RORA: variants seen among roughly 807,000 people sequenced by gnomAD.
RORA encodes RAR related orphan receptor A, also known as nuclear receptor ROR-alpha.
A neutral mutation model predicts 69.5 loss-of-function variants in RORA; 7 were observed. The observed-to-expected ratio is 0.10, with a 90% CI of 0.06 to 0.19. RORA has a LOEUF of 0.19. Among genes scored for constraint, RORA ranks in the 10% least tolerant of loss-of-function variants. RORA has a pLI of 1.00. For missense variants in RORA, 457 were observed against 663.0 expected (o/e 0.69, Z 3.41); for synonymous variants, 261 against 240.8 (o/e 1.08, Z -0.78).
chr15:60,764,072 C>T (rs964172079), intron 1 of RORA: 9 of 152,084 alleles, frequency 5.9e-5, no homozygotes, highest in African/African-American at 2.2e-4. Context: ...TTTGTTTTAA[C>T]ATTAATAAGG....
intron 2 of RORA, among the ~76,000 whole-genome samples, chr15:60,645,422 T>A (rs997447208): frequency 2.5e-5 from 2 of 81,374 alleles, no homozygotes; most frequent in Non-Finnish European, 3.3e-5. Context: ...ACAGATAAAT[T>A]TTTTTTTTTT....
intron 1 of RORA, among the ~76,000 whole-genome samples, chr15:60,752,792 G>C (rs184106292): frequency 6.6e-6 from 1 of 152,264 alleles, no homozygotes; most frequent in East Asian, 1.9e-4. Flanking sequence ...GGGGCCATTG[G>C]ATGAATCAGC....
chr15:60,777,927 G>A (rs2072196810), intron 1 of RORA, among the ~76,000 whole-genome samples: 1 of 152,200 alleles, frequency 6.6e-6, no homozygotes, highest in Non-Finnish European at 1.5e-5. Context: ...AGCACATCTG[G>A]AGGATCTCTT....
At chr15:60,709,625 T>C (rs2071115592) in intron 1 of RORA, among the ~76,000 whole-genome samples, 1 of 151,656 alleles carries the variant, frequency 6.6e-6, no homozygotes, top group African/African-American at 2.4e-5. Context: ...ATCTAGGTTG[T>C]GCGCTCGTCA....
At chr15:60,662,967 G>A (rs554403812) in intron 2 of RORA, among the ~76,000 whole-genome samples, 17 of 152,272 alleles carry the variant, frequency 1.1e-4, no homozygotes, top group African/African-American at 4.1e-4. Context: ...CTTGCCCAAG[G>A]TTATGCCCTT....
intron 1 of RORA, among the ~76,000 whole-genome samples, chr15:60,810,490 G>A (rs1191624723): frequency 6.6e-6 from 1 of 152,064 alleles, no homozygotes; most frequent in African/African-American, 2.4e-5. Flanking sequence ...AGAAACTTCA[G>A]TGTTGGGAAA....
chr15:61,072,570 C>A (rs370858952), intron 1 of RORA, among the ~76,000 whole-genome samples: 1 of 152,178 alleles, frequency 6.6e-6, no homozygotes, highest in East Asian at 1.9e-4. Context: ...ACAGCAACAA[C>A]AAAACTTTAA....
chr15:60,927,357 ATAC>A (rs1337981270), intron 1 of RORA, among the ~76,000 whole-genome samples: 1 of 152,246 alleles, frequency 6.6e-6, no homozygotes, highest in Non-Finnish European at 1.5e-5. Context: ...ACCCAGCCAT[ATAC>A]TTGGCAGTAA....
At chr15:60,557,834 T>G (rs1157310607) in intron 2 of RORA, among the ~76,000 whole-genome samples, 1 of 152,202 alleles carries the variant, frequency 6.6e-6, no homozygotes, top group Admixed American at 6.5e-5. Flanking sequence ...TCCAAATAAC[T>G]GGAGTGTTAT....
chr15:61,012,961 T>G (rs1375570704), intron 1 of RORA, among the ~76,000 whole-genome samples: 1 of 152,214 alleles, frequency 6.6e-6, no homozygotes, highest in African/African-American at 2.4e-5. Context: ...CTCATCTAAC[T>G]TCTTGATTCA....
At chr15:60,515,743 G>T in intron 3 of RORA, among the ~76,000 whole-genome samples, 1 of 142,944 alleles carries the variant, frequency 7.0e-6, no homozygotes, top group South Asian at 2.2e-4. Flanking sequence ...ACACATGGGG[G>T]CTTTTTTTCG....
chr15:60,812,034 A>G (rs544255777), intron 1 of RORA, among the ~76,000 whole-genome samples: 2 of 152,284 alleles, frequency 1.3e-5, no homozygotes, highest in African/African-American at 2.4e-5. Flanking sequence ...AACTGTGCAC[A>G]TTGTGGGGAA....
intron 1 of RORA, among the ~76,000 whole-genome samples, chr15:60,996,976 G>A (rs1894569543): frequency 6.6e-6 from 1 of 151,822 alleles, no homozygotes; most frequent in Non-Finnish European, 1.5e-5. Context: ...ATACATTTTA[G>A]GAGCCTATAA....
chr15:61,012,591 GT>G (rs932564244), intron 1 of RORA, among the ~76,000 whole-genome samples: 5 of 151,970 alleles, frequency 3.3e-5, no homozygotes, highest in African/African-American at 1.2e-4. Context: ...GCAGATAAAT[GT>G]TTTTTTGATC....
chr15:60,552,781 T>G (rs1022877812), intron 2 of RORA, among the ~76,000 whole-genome samples: 15 of 152,188 alleles, frequency 9.9e-5, no homozygotes, highest in African/African-American at 3.6e-4. Flanking sequence ...CACCCACAGA[T>G]GTCAAAGGAA....
chr15:60,942,686 C>T (rs1362532096), intron 1 of RORA, among the ~76,000 whole-genome samples: 2 of 152,196 alleles, frequency 1.3e-5, no homozygotes, highest in African/African-American at 4.8e-5. Context: ...TACATACAAA[C>T]ATGTTTTCTC....
intron 1 of RORA, among the ~76,000 whole-genome samples, chr15:61,028,645 A>G (rs567234472): frequency 7.2e-5 from 11 of 152,318 alleles, no homozygotes; most frequent in East Asian, 5.8e-4. Flanking sequence ...CAGTAACCCT[A>G]TCTAGCAGGA....
intron 1 of RORA, among the ~76,000 whole-genome samples, chr15:60,913,906 C>A (rs916799226): frequency 6.6e-6 from 1 of 152,212 alleles, no homozygotes; most frequent in African/African-American, 2.4e-5. Context: ...CAATTGACCA[C>A]TCCTTTTGCC....
chr15:60,933,412 C>T (rs1892430369), intron 1 of RORA, among the ~76,000 whole-genome samples: 2 of 152,202 alleles, frequency 1.3e-5, no homozygotes, highest in East Asian at 1.9e-4. Context: ...CCTCTCCTTG[C>T]CTCTGGAAAT....
Sources: allele counts gnomAD v4.1 joint callset (sites outside exome capture counted in the v4.1 genomes callset), GRCh38; gene constraint gnomAD v4.1.1; transcripts MANE v1.5; gene names NCBI Gene and HGNC (gene_info 2026-07-23, HGNC 2026-07-21).